Variants in TMEM67 observed in about 807,000 individuals in gnomAD.
TMEM67 encodes the protein meckelin.
Under a neutral mutation model 136.6 loss-of-function variants are expected in TMEM67, and 124 were observed. The observed-to-expected ratio is 0.91, with a 90% CI of 0.78 to 1.05. The LOEUF is 1.05. Among genes scored for constraint, TMEM67 ranks in the 50% least tolerant of loss-of-function variants. The pLI, the probability that TMEM67 is intolerant of heterozygous loss-of-function variation, is 0.00. For synonymous variants in TMEM67, 364 were observed against 390.5 expected (o/e 0.93, Z 0.80); for missense variants, 1,107 against 1,178.4 (o/e 0.94, Z 0.89).
At chr8:93,820,153 C>G (rs1394151973), downstream of TMEM67, among the ~76,000 whole-genome samples, 2 of 152,186 alleles carry the variant, frequency 1.3e-5, no homozygotes, top group African/African-American at 4.8e-5. Flanking sequence ...TGCCCTGGCT[C>G]CTGGTGCTCC....
At chr8:93,759,922 A>G in intron 3 of TMEM67, 3 of 1,519,912 alleles carry the variant, frequency 2.0e-6, no homozygotes, top group Non-Finnish European at 2.7e-6. Flanking sequence ...GTGCTGGGAT[A>G]CAGGCTTGAG....
intron 22 of TMEM67, 126 bp downstream of exon 22, chr8:93,803,810 T>G (rs575353170): frequency 2.6e-5 from 18 of 684,284 alleles, no homozygotes; most frequent in Non-Finnish European, 4.3e-5. Flanking sequence ...CCACTGGTTG[T>G]TAATTCCAGA....
At chr8:93,756,301 A>G (rs1417857764) in intron 2 of TMEM67, 2 of 152,690 alleles carry the variant, frequency 1.3e-5, no homozygotes, top group Non-Finnish European at 2.9e-5. Flanking sequence ...CTAAGGTGTA[A>G]TTATTTCATG....
At chr8:93,812,969 C>T (rs1275693046) in intron 26 of TMEM67, among the ~76,000 whole-genome samples, 1 of 152,070 alleles carries the variant, frequency 6.6e-6, no homozygotes, top group African/African-American at 2.4e-5. Context: ...CCCCTGACCT[C>T]ATGTGATCCA....
chr8:93,784,545 A>G (rs1218826227), intron 11 of TMEM67, among the ~76,000 whole-genome samples: 23 of 152,374 alleles, frequency 1.5e-4, no homozygotes. Context: ...AAAGAATGTG[A>G]TAAGTGTCAT....
intron 6 of TMEM67, among the ~76,000 whole-genome samples, chr8:93,766,624 T>A (rs1240507248): frequency 6.6e-6 from 1 of 152,204 alleles, no homozygotes; most frequent in Non-Finnish European, 1.5e-5. Context: ...ATGCTTAGTA[T>A]GCCAGAGTTT....
chr8:93,821,654 C>T (rs1196036169), downstream of TMEM67, among the ~76,000 whole-genome samples: 9 of 152,088 alleles, frequency 5.9e-5, no homozygotes, highest in Non-Finnish European at 1.0e-4. Context: ...ATCCCAGCAC[C>T]TTGGGAGGCC....
At chr8:93,820,380 C>T (rs1233563809), downstream of TMEM67, among the ~76,000 whole-genome samples, 2 of 152,170 alleles carry the variant, frequency 1.3e-5, no homozygotes, top group Non-Finnish European at 2.9e-5. Context: ...TTATGTTGGG[C>T]CACATCTCCA....
chr8:93,791,170 G>A, intron 14 of TMEM67, 93 bp from the exon 15 acceptor site: 1 of 838,846 alleles, frequency 1.2e-6, no homozygotes, highest in Non-Finnish European at 2.0e-6. Flanking sequence ...TAGTGTTTAT[G>A]GTAAAACCCA....
At chr8:93,804,317 T>TTTC (rs1815011600) in intron 22 of TMEM67, among the ~76,000 whole-genome samples, 2 of 133,772 alleles carry the variant, frequency 1.5e-5, no homozygotes, top group South Asian at 2.4e-4. Flanking sequence ...TTTCTTTTTT[T>TTTC]TTTTTTTTTT....
At position 93,782,473 on chromosome 8, in the gene TMEM67, G is replaced by A. The variant is rs545053602; in HGVS notation, c.1131+13G>A. ...CTACCAACAAAATGTAAGTTTGAAC[G>A]ATATTAGTCTATATTTTAGCTTTAT... On this transcript the variant is annotated intron_variant, in intron 11 of 27. Coordinates refer to ENST00000453321, the MANE Select transcript of TMEM67 (RefSeq NM_153704.6). 3.5e-5 allele frequency: 55 copies of A among 1,593,724 alleles called. No homozygotes were observed. In the South Asian group the frequency reaches 4.5e-4, roughly 13 times the overall value.
chr8:93,799,848 C>T (rs912867043), intron 21 of TMEM67, 90 bp downstream of exon 21: 9 of 1,071,304 alleles, frequency 8.4e-6, no homozygotes, highest in African/African-American at 6.3e-5. Flanking sequence ...ATATTGACCA[C>T]ATCCTTCTTT....
At chr8:93,759,495 A>G (rs1463283109) in intron 3 of TMEM67, 3 of 150,606 alleles carry the variant, frequency 2.0e-5, no homozygotes, top group Admixed American at 6.6e-5. Context: ...GTAAAATATC[A>G]TTGTTTACAG....
Position 93,808,956 on chromosome 8 carries a change from G to C in TMEM67, c.2556G>C (p.Arg852Ser). Residue 852 changes from arginine to serine, a missense_variant and splice_region_variant, in exon 24 of 28, where the codon AGG becomes AGC. Physicochemically the swap from Arg to Ser is moderately radical, Grantham distance 110. Coordinates refer to ENST00000453321, the MANE Select transcript of TMEM67 (RefSeq NM_153704.6). ...HYDRIHETLI[R>S]KNGPARLLSS... is the part of the protein sequence containing the mutation. ...ACAGAATTCATGAGACACTAATAAG[G>C]GTTTGTATAAAGTACAGTTCAGATA... 6.3e-7 allele frequency: 1 copy of C among 1,580,482 alleles called. No individual in the cohort carries two copies. The highest frequency in any genetic ancestry group is 8.7e-7 in the Non-Finnish European group (1 of 1,149,852).
At chr8:93,828,296 A>G in the TMEM67 span, among the ~76,000 whole-genome samples, 1 of 152,196 alleles carries the variant, frequency 6.6e-6, no homozygotes, top group Non-Finnish European at 1.5e-5. Context: ...CAGTGTTTTC[A>G]GAGAAGACAC....
At chr8:93,782,699 G>A (rs1031614964) in intron 11 of TMEM67, among the ~76,000 whole-genome samples, 1 of 148,106 alleles carries the variant, frequency 6.8e-6, no homozygotes, top group Admixed American at 6.8e-5. Context: ...TCAGCCTCCC[G>A]AGTAGCTGGA....
At chr8:93,808,504 AT>A (rs1808544297) in intron 23 of TMEM67, among the ~76,000 whole-genome samples, 3 of 128,524 alleles carry the variant, frequency 2.3e-5, no homozygotes, top group Admixed American at 7.8e-5. Flanking sequence ...TCTATTATAG[AT>A]GAATATATAT....
At chr8:93,769,093 G>A (rs181096240) in intron 6 of TMEM67, among the ~76,000 whole-genome samples, 13 of 152,254 alleles carry the variant, frequency 8.5e-5, no homozygotes, top group Admixed American at 1.3e-4. Flanking sequence ...GCCCAGCCTG[G>A]GGCACCTGAG....
At position 93,777,920 on chromosome 8, in the gene TMEM67, G is replaced by A. The variant is rs549569887; in HGVS notation, c.715-2673G>A. ...TCCTGGATATTCTTGTTAACCTTCT[G>A]TCTTGTTGATCTGCCTAATAGTGAC... On this transcript the variant is annotated intron_variant, in intron 7 of 27. Transcript: ENST00000453321. Among the ~76,000 whole-genome samples the A allele has an allele frequency of 2.6e-5, 4 of 152,292 alleles. No individual in the cohort carries two copies. In the South Asian group the frequency reaches 8.3e-4, roughly 32 times the overall value.
Sources: allele counts gnomAD v4.1 joint callset (sites outside exome capture counted in the v4.1 genomes callset), GRCh38; gene constraint gnomAD v4.1.1; transcripts MANE v1.5; gene names NCBI Gene and HGNC (gene_info 2026-07-23, HGNC 2026-07-21).